The following NCOR2 variants were observed in gnomAD, a reference collection of about 807,000 sequenced individuals.
NCOR2 encodes CTG repeat protein 26.
In NCOR2, 81 loss-of-function variants were observed where a neutral mutation model predicts 262.9. That is an observed-to-expected ratio of 0.31 (90% CI 0.26 to 0.37). The LOEUF (loss-of-function observed/expected upper bound fraction) is 0.37. Among genes scored for constraint, NCOR2 ranks in the 10% least tolerant of loss-of-function variants. The pLI is 1.00. For synonymous variants in NCOR2, 1,659 were observed against 1,559.3 expected (o/e 1.06, Z -1.51); for missense variants, 3,385 against 3,621.4 (o/e 0.93, Z 1.68).
exon 31 of NCOR2, chr12:124,346,600 C>T (rs779613687): frequency 1.9e-6 from 3 of 1,583,920 alleles, no homozygotes; most frequent in Non-Finnish European, 2.6e-6. Context: ...GCCGCGGGGC[C>T]AGGGGCAGCT....
rs1458959566 is a variant in NCOR2 at position 124,389,518 on chromosome 12, G to A, written c.1877-3631C>T. ...AGAAAAACAGAGCTTCTCCACCCCCGGCAGACAGGGAGCAAACAGCTTCTT... is the reference window on the plus strand; with the variant it reads ...AGAAAAACAGAGCTTCTCCACCCCCAGCAGACAGGGAGCAAACAGCTTCTT... On this transcript the variant is annotated intron_variant, in intron 16 of 46. Coordinates refer to ENST00000405201, the Ensembl canonical transcript of NCOR2. The surrounding 1 kb of genome is among the most constrained non-coding windows in gnomAD (Gnocchi z 4.4). 6.6e-6 allele frequency among the ~76,000 whole-genome samples: 1 copy of A among 151,636 alleles called. No homozygotes were observed. The highest frequency in any genetic ancestry group is 2.4e-5 in the African/African-American group (1 of 41,360).
chr12:124,348,523 G>T (rs1593158963), intron 28 of NCOR2: 3 of 616,900 alleles, frequency 4.9e-6, no homozygotes, highest in East Asian at 6.0e-5. Context: ...TTTTCCAGGG[G>T]GTTGCACGGT....
intron 1 of NCOR2, among the ~76,000 whole-genome samples, chr12:124,563,984 C>G (rs2052152616): frequency 6.6e-6 from 1 of 152,222 alleles, no homozygotes; most frequent in African/African-American, 2.4e-5. Flanking sequence ...AGTTACTTAA[C>G]CTCTCTGTGC....
exon 47 of NCOR2, chr12:124,325,377 G>GCGGGC: frequency 8.1e-6 from 2 of 246,788 alleles, no homozygotes; most frequent in Non-Finnish European, 1.3e-5. Flanking sequence ...ACCTGACACC[G>GCGGGC]CCCCCCCCCC....
chr12:124,343,751 C>T (rs190103664), intron 32 of NCOR2, among the ~76,000 whole-genome samples: 4 of 152,046 alleles, frequency 2.6e-5, no homozygotes, highest in African/African-American at 7.3e-5. Flanking sequence ...CTCAGCCTCC[C>T]GAGTAGCTGG....
exon 14 of NCOR2, chr12:124,402,478 C>T: frequency 6.2e-7 from 1 of 1,612,102 alleles, no homozygotes; most frequent in Non-Finnish European, 8.5e-7. Context: ...CCTTCTCCTT[C>T]TCATCTTTCT....
At position 124,457,902 on chromosome 12, in the gene NCOR2, G is replaced by A. The variant is rs1250675686; in HGVS notation, c.706-740C>T. ...GGTCCACTCACAGGAGGCCTGGAGG[G>A]CAGCCCAGGCCAGCCGGGTACAGGG... On this transcript the variant is annotated intron_variant, in intron 5 of 46. Transcript: ENST00000405201. This position sits in a 1 kb window ranked among gnomAD's most constrained non-coding sequence, Gnocchi z 4.0. Among the ~76,000 whole-genome samples, 1 of 152,214 alleles carries A rather than the reference G, an allele frequency of 6.6e-6. No individual in the cohort carries two copies. The highest frequency in any genetic ancestry group is 1.5e-5 in the Non-Finnish European group (1 of 68,032).
intron 25 of NCOR2, 58 bp downstream of exon 27, chr12:124,354,779 C>A: frequency 6.5e-7 from 1 of 1,539,248 alleles, no homozygotes; most frequent in Non-Finnish European, 8.9e-7. Flanking sequence ...CCCGCCCCAC[C>A]CACAGGACAG....
intron 22 of NCOR2, among the ~76,000 whole-genome samples, chr12:124,358,062 A>C (rs1480624649): frequency 7.6e-6 from 1 of 131,548 alleles, no homozygotes; most frequent in African/African-American, 3.0e-5. Flanking sequence ...GCCTGTACAC[A>C]ATGTTGAAGG....
intron 5 of NCOR2, among the ~76,000 whole-genome samples, chr12:124,461,247 G>C (rs2046145612): frequency 6.6e-6 from 1 of 152,376 alleles, no homozygotes; most frequent in African/African-American, 2.4e-5. Flanking sequence ...GGGTGGGGCT[G>C]ACGCCGCAGG....
chr12:124,459,404 G>T (rs1170000506), intron 5 of NCOR2, among the ~76,000 whole-genome samples: 1 of 152,130 alleles, frequency 6.6e-6, no homozygotes, highest in Non-Finnish European at 1.5e-5. Flanking sequence ...TGTTGGGTTT[G>T]TTCCTGCTCC....
rs187769923 is a variant in NCOR2, at chr12:124,504,970, C to A, written c.-117-9602G>T. The stretch of plus-strand genomic sequence containing the variant: ...AGACAGAGGTGGTGGTTGCACAACC[C>A]GTGAATGTCCTAAATGCAAACTAAT... On this transcript the variant is annotated intron_variant, in intron 1 of 46. Coordinates refer to the NCOR2 transcript ENST00000404621. This position sits in a 1 kb window ranked among gnomAD's most constrained non-coding sequence, Gnocchi z 4.5. 6.6e-6 allele frequency among the ~76,000 whole-genome samples: 1 copy of A among 152,118 alleles called. No homozygotes were observed. The highest frequency in any genetic ancestry group is 2.4e-5 in the African/African-American group (1 of 41,420).
chr12:124,402,954 G>C (rs1467511407), intron 13 of NCOR2, among the ~76,000 whole-genome samples: 1 of 152,178 alleles, frequency 6.6e-6, no homozygotes, highest in South Asian at 2.1e-4. Context: ...TGAGGGCTGG[G>C]AGGTTGAAAT....
chr12:124,564,441 C>G (rs749865601), intron 1 of NCOR2, among the ~76,000 whole-genome samples: 16 of 152,166 alleles, frequency 1.1e-4, no homozygotes, highest in Admixed American at 1.3e-4. Flanking sequence ...GGGGAGGCTG[C>G]TGTTTAGCGT....
Position 124,503,612 on chromosome 12 carries a change from A to G in NCOR2, c.-117-8244T>C, listed in dbSNP as rs998583855. ...GACGGATGGATGGATGGACGGACGGACGGATGGATGGATGGATGGATGGGC... is the reference window on the plus strand; with the variant it reads ...GACGGATGGATGGATGGACGGACGGGCGGATGGATGGATGGATGGATGGGC... On this transcript the variant is annotated intron_variant, in intron 1 of 46. Coordinates refer to the NCOR2 transcript ENST00000404621. The surrounding 1 kb of genome is among the most constrained non-coding windows in gnomAD (Gnocchi z 4.3). Among the ~76,000 whole-genome samples the G allele has an allele frequency of 1.4e-5, 2 of 146,284 alleles. No individual in the cohort carries two copies.
At chr12:124,471,700 T>C (rs2046842564) in intron 4 of NCOR2, among the ~76,000 whole-genome samples, 1 of 152,178 alleles carries the variant, frequency 6.6e-6, no homozygotes, top group Non-Finnish European at 1.5e-5. Flanking sequence ...TGAGTAGCTG[T>C]GACCACAGGC....
At chr12:124,564,593 CAGG>C (rs1156864794) in intron 1 of NCOR2, among the ~76,000 whole-genome samples, 1 of 140,128 alleles carries the variant, frequency 7.1e-6, no homozygotes, top group Admixed American at 7.7e-5. Context: ...CAGACAGCGG[CAGG>C]AGGAGGGGCT....
intron 18 of NCOR2, among the ~76,000 whole-genome samples, chr12:124,376,319 C>G (rs2136057024): frequency 6.6e-6 from 1 of 152,342 alleles, no homozygotes; most frequent in East Asian, 1.9e-4. Flanking sequence ...GTCGTTGCCA[C>G]ACAGTCCTGG....
upstream of NCOR2, among the ~76,000 whole-genome samples, chr12:124,498,160 T>C (rs556949816): frequency 8.5e-5 from 13 of 152,300 alleles, no homozygotes; most frequent in African/African-American, 2.2e-4. Context: ...CAAATTGCTA[T>C]TGGATTTTGA....
Sources: allele counts gnomAD v4.1 joint callset (sites outside exome capture counted in the v4.1 genomes callset), GRCh38; gene constraint gnomAD v4.1.1; non-coding constraint Gnocchi (gnomAD v3.1); transcripts MANE v1.5; gene names NCBI Gene and HGNC (gene_info 2026-07-23, HGNC 2026-07-21).